The following IFI16 variants were observed in gnomAD, a reference collection of about 807,000 sequenced individuals.
IFI16 encodes the protein gamma-interferon-inducible protein 16.
A neutral mutation model predicts 68.4 loss-of-function variants in IFI16; 49 were observed. That is an observed-to-expected ratio of 0.72 (90% CI 0.57 to 0.91). The LOEUF is 0.91. Among genes scored for constraint, IFI16 ranks in the 40% least tolerant of loss-of-function variants. The probability of loss-of-function intolerance (pLI) is 0.00; values close to 1 mark genes in which losing one functional copy is unlikely to be tolerated. For synonymous variants in IFI16, 307 were observed against 315.0 expected, an observed-to-expected ratio of 0.97 and a Z score of 0.27; for missense variants, 878 against 942.9, an observed-to-expected ratio of 0.93 and a Z score of 0.90.
intron 1 of IFI16, 94 bp from the exon 2 acceptor site, chr1:159,014,567 A>G (rs1046542609): frequency 1.1e-5 from 8 of 745,574 alleles, no homozygotes; most frequent in South Asian, 6.7e-5. Context: ...TTCATGAACA[A>G]CTCTTTCATA....
chr1:159,028,453 T>C (rs1289055490), intron 6 of IFI16, among the ~76,000 whole-genome samples: 1 of 152,132 alleles, frequency 6.6e-6, no homozygotes, highest in Non-Finnish European at 1.5e-5. Flanking sequence ...TCTTGGAGAA[T>C]GTTCCATGTG....
At chr1:159,044,014 G>A (rs1020263254) in intron 7 of IFI16, among the ~76,000 whole-genome samples, 4 of 152,102 alleles carry the variant, frequency 2.6e-5, no homozygotes, top group Admixed American at 2.6e-4. Context: ...TGAAATATCT[G>A]TTCACCGGAG....
chr1:159,042,878 G>A (rs1390052704), intron 7 of IFI16, among the ~76,000 whole-genome samples: 1 of 152,134 alleles, frequency 6.6e-6, no homozygotes, highest in Admixed American at 6.5e-5. Flanking sequence ...CTACAATCCA[G>A]CGTTATGGGG....
intron 6 of IFI16, among the ~76,000 whole-genome samples, chr1:159,021,445 A>T (rs1221885815): frequency 6.6e-6 from 1 of 152,112 alleles, no homozygotes; most frequent in Non-Finnish European, 1.5e-5. Flanking sequence ...CTTTTTATGG[A>T]TGAGTAATAG....
At chr1:159,038,550 A>G (rs1654450029) in intron 7 of IFI16, among the ~76,000 whole-genome samples, 1 of 152,058 alleles carries the variant, frequency 6.6e-6, no homozygotes, top group Non-Finnish European at 1.5e-5. Context: ...AATGTTTTGT[A>G]GAGATGAGGT....
intron 5 of IFI16, among the ~76,000 whole-genome samples, chr1:159,019,607 T>A: frequency 6.6e-6 from 1 of 152,070 alleles, no homozygotes; most frequent in East Asian, 1.9e-4. Flanking sequence ...TACAGGCGTG[T>A]GCCATCACGC....
intron 11 of IFI16, 120 bp from the exon 12 acceptor site, chr1:159,054,701 T>C: frequency 1.8e-6 from 1 of 556,806 alleles, no homozygotes; most frequent in Non-Finnish European, 3.3e-6. Flanking sequence ...AAAAGAATCA[T>C]TTAGAAAGGA....
chr1:159,024,331 T>C (rs1653518847), intron 6 of IFI16, among the ~76,000 whole-genome samples: 1 of 152,194 alleles, frequency 6.6e-6, no homozygotes, highest in African/African-American at 2.4e-5. Flanking sequence ...GGGGTCTTTT[T>C]CATTTATGTC....
At chr1:159,015,781 A>G (rs1652879521) in intron 2 of IFI16, 91 bp from the exon 3 acceptor site, 1 of 926,948 alleles carries the variant, frequency 1.1e-6, no homozygotes, top group Non-Finnish European at 1.7e-6. Flanking sequence ...ACTGAGAGCA[A>G]ATTGTATTGA....
intron 9 of IFI16, among the ~76,000 whole-genome samples, chr1:159,051,057 T>G (rs1192183164): frequency 6.6e-6 from 1 of 152,184 alleles, no homozygotes; most frequent in Non-Finnish European, 1.5e-5. Flanking sequence ...TTCTCTATTT[T>G]TATTTTATTT....
At chr1:159,027,443 AT>A (rs141520572) in intron 6 of IFI16, among the ~76,000 whole-genome samples, 47,172 of 151,690 alleles carry the variant, frequency 0.31, 9,882 homozygotes, top group African/African-American at 0.59. Flanking sequence ...TTTGTTGAAG[AT>A]TTTTGCATCT....
intron 6 of IFI16, among the ~76,000 whole-genome samples, chr1:159,028,179 C>T (rs866065018): frequency 8.5e-5 from 13 of 152,096 alleles, no homozygotes; most frequent in African/African-American, 3.1e-4. Flanking sequence ...TTAGCATCAC[C>T]TTTGTTGTAT....
Position 159,020,409 on chromosome 1 carries a change from G to A in IFI16, c.1041G>A (p.Gly347=). Residue 347 remains glycine (G), a synonymous_variant, in exon 6 of 12, where the codon GGG becomes GGA. Transcript: ENST00000295809. The part of the protein sequence containing the change: ...QDDRGKMDVV[G]TGQCHNIPCE... ...ATAGAGGAAAAATGGATGTAGTGGG[G>A]ACAGGACAATGTCACAATATCCCCT... 1 of 1,613,052 alleles carries A rather than the reference G, an allele frequency of 6.2e-7. No homozygotes were observed. Among genetic ancestry groups the A allele is most frequent in the Admixed American group, 1.7e-5 (1 of 60,018 alleles).
rs114365824 is a variant in IFI16, at chr1:159,032,323, G to A, written c.1162-201G>A. Among the ~76,000 whole-genome samples the A allele has an allele frequency of 4.8e-3, 727 of 152,160 alleles. 8 individuals are homozygous for A. The highest frequency in any genetic ancestry group is 0.017 in the African/African-American group (697 of 41,516). On this transcript the variant is annotated intron_variant, in intron 6 of 11. Transcript: ENST00000295809. ...AGTAAGTAGATATTGAAAGATTTTAGGAAGAAGAGTACTTGATCATTCCAC... is the reference window on the plus strand; with the variant it reads ...AGTAAGTAGATATTGAAAGATTTTAAGAAGAAGAGTACTTGATCATTCCAC...
At position 159,025,938 on chromosome 1, in the gene IFI16, C is replaced by G. The variant is rs145820664; in HGVS notation, c.1161+5409C>G. On this transcript the variant is annotated intron_variant, in intron 6 of 11. Transcript: ENST00000295809. ...TTTGTTGAATAGGATGTCCTTTCCC[C>G]ACTTTGTGTTTTTGTTTGCTTTGTC... Among the ~76,000 whole-genome samples the G allele has an allele frequency of 1.9e-3, 282 of 152,288 alleles. 2 individuals are homozygous for G. The highest frequency in any genetic ancestry group is 5.9e-3 in the African/African-American group (245 of 41,562).
Position 159,054,980 on chromosome 1 carries a change from A to G in IFI16, c.*79A>G, listed in dbSNP as rs1016087259. The G allele has an allele frequency of 4.3e-6, 3 of 700,270 alleles. No homozygotes were observed. In the African/African-American group the frequency reaches 5.3e-5, roughly 12 times the overall value. 43.4% of individuals were successfully genotyped at this position (700,270 alleles called of 1,614,324 possible). A position where few individuals can be genotyped will look rare whatever the true frequency, so the allele number is the denominator to read the frequency against. ...AAAAATGTACATATACCTGGTTGAAATACAACACTATACATACACACCACC... is the reference window on the plus strand; with the variant it reads ...AAAAATGTACATATACCTGGTTGAAGTACAACACTATACATACACACCACC... On this transcript the variant is annotated 3_prime_UTR_variant, in exon 12 of 12. Coordinates refer to ENST00000295809, the MANE Select transcript of IFI16 (RefSeq NM_001376587.1).
intron 11 of IFI16, 143 bp from the exon 12 acceptor site, chr1:159,054,678 A>T: frequency 1.8e-6 from 1 of 544,118 alleles, no homozygotes; most frequent in Non-Finnish European, 3.4e-6. Flanking sequence ...TAAGGGAGAT[A>T]GATGAGAGCG....
chr1:159,046,623 C>A (rs551877159), intron 8 of IFI16, among the ~76,000 whole-genome samples: 1 of 151,226 alleles, frequency 6.6e-6, no homozygotes, highest in East Asian at 1.9e-4. Context: ...TCTCACCATA[C>A]ATCAGAGGTT....
Position 159,032,623 on chromosome 1 carries a change from T to G in IFI16, c.1261T>G (p.Phe421Val). The G allele has an allele frequency of 1.2e-6, 2 of 1,613,026 alleles. No homozygotes were observed. The highest frequency in any genetic ancestry group is 1.7e-6 in the Non-Finnish European group (2 of 1,179,504). Residue 421 changes from phenylalanine to valine, a missense_variant, in exon 7 of 12, where the codon TTC becomes GTC. Coordinates refer to ENST00000295809, the MANE Select transcript of IFI16 (RefSeq NM_001376587.1). ...LPYPSEASTT[F>V]PESHLRTPQM... ...ATATCCTTCAGAGGCCAGCACAACC[T>G]TCCCTGAGAGCCATCTTCGGACTCC... is the stretch of plus-strand genomic sequence containing the variant.
Sources: allele counts gnomAD v4.1 joint callset (sites outside exome capture counted in the v4.1 genomes callset), GRCh38; gene constraint gnomAD v4.1.1; transcripts MANE v1.5; gene names NCBI Gene and HGNC (gene_info 2026-07-23, HGNC 2026-07-21).